DIS3L2: variants seen among roughly 807,000 people sequenced by gnomAD.
The protein encoded by DIS3L2 is DIS3-like exonuclease 2.
A neutral mutation model predicts 97.5 loss-of-function variants in DIS3L2; 34 were observed. The observed-to-expected ratio is 0.35, with a 90% CI of 0.27 to 0.46. DIS3L2 has a LOEUF of 0.46. Among genes scored for constraint, DIS3L2 ranks in the 20% least tolerant of loss-of-function variants. The pLI is 1.00. For missense variants in DIS3L2, 1,038 were observed against 1,146.0 expected, an observed-to-expected ratio of 0.91 and a Z score of 1.36; for synonymous variants, 435 against 445.2, an observed-to-expected ratio of 0.98 and a Z score of 0.29.
intron 8 of DIS3L2, among the ~76,000 whole-genome samples, chr2:232,149,149 C>CCAGCTT (rs1214273627): frequency 6.7e-6 from 1 of 149,874 alleles, no homozygotes; most frequent in Admixed American, 6.6e-5. Flanking sequence ...ATACCCTGCA[C>CCAGCTT]CAGCTTCAGA....
intron 9 of DIS3L2, among the ~76,000 whole-genome samples, chr2:232,188,652 C>T (rs1355548369): frequency 6.6e-6 from 1 of 152,146 alleles, no homozygotes; most frequent in Non-Finnish European, 1.5e-5. Flanking sequence ...AGAGTACTTA[C>T]AGGATGTAGG....
intron 5 of DIS3L2, among the ~76,000 whole-genome samples, chr2:232,039,865 A>G (rs1206307062): frequency 2.0e-5 from 3 of 152,174 alleles, no homozygotes; most frequent in African/African-American, 7.2e-5. Context: ...CATGTCCCCA[A>G]ATGGTTAGGA....
At chr2:231,975,069 T>C (rs1052583809) in intron 1 of DIS3L2, among the ~76,000 whole-genome samples, 6 of 152,210 alleles carry the variant, frequency 3.9e-5, no homozygotes, top group African/African-American at 9.6e-5. Flanking sequence ...ATCTACTGTT[T>C]ACACTTTTGA....
chr2:232,107,358 A>G (rs1697383333), intron 6 of DIS3L2, among the ~76,000 whole-genome samples: 2 of 152,190 alleles, frequency 1.3e-5, no homozygotes, highest in African/African-American at 4.8e-5. Flanking sequence ...ATAGACCACC[A>G]GCTAGACTAA....
chr2:232,148,534 A>G (rs1192561899), intron 8 of DIS3L2, among the ~76,000 whole-genome samples: 1 of 152,172 alleles, frequency 6.6e-6, no homozygotes, highest in Non-Finnish European at 1.5e-5. Context: ...AACTCGTAAA[A>G]TAAATGTTAA....
At chr2:232,002,971 A>G (rs1693951339) in intron 1 of DIS3L2, among the ~76,000 whole-genome samples, 1 of 152,218 alleles carries the variant, frequency 6.6e-6, no homozygotes, top group Non-Finnish European at 1.5e-5. Context: ...GTGTGGTGAA[A>G]TGAGTGGCCT....
At chr2:232,035,776 A>C (rs978611562) in intron 5 of DIS3L2, among the ~76,000 whole-genome samples, 1 of 152,152 alleles carries the variant, frequency 6.6e-6, no homozygotes, top group Admixed American at 6.6e-5. Context: ...GTTTGGCTGG[A>C]TATGAATTCT....
chr2:232,343,505 G>A, exon 14 of DIS3L2: 1 of 1,557,678 alleles, frequency 6.4e-7, no homozygotes, highest in Non-Finnish European at 8.7e-7. Flanking sequence ...CAGCAACAGA[G>A]CCGTGTATTG....
chr2:232,304,435 G>A (rs1176595564), intron 14 of DIS3L2, among the ~76,000 whole-genome samples: 1 of 152,186 alleles, frequency 6.6e-6, no homozygotes, highest in Admixed American at 6.5e-5. Context: ...GGAGCAAAGC[G>A]CACTCCAGCA....
At position 231,963,012 on chromosome 2, in the gene DIS3L2, T is replaced by C. The variant is rs148935116; in HGVS notation, c.-94+1247T>C. Reference sequence around the variant, plus strand: ...GGTCACCTAGGTTGATTCCGTGTGTTTGCTATTGTGAATAGCTCAGCCGTG... The same window carrying C: ...GGTCACCTAGGTTGATTCCGTGTGTCTGCTATTGTGAATAGCTCAGCCGTG... On this transcript the variant is annotated intron_variant, in intron 1 of 20. Transcript: ENST00000325385. 2.8e-3 allele frequency among the ~76,000 whole-genome samples: 420 copies of C among 152,324 alleles called. 1 individual carries two copies. Among genetic ancestry groups the C allele is most frequent in the Non-Finnish European group, 4.4e-3 (298 of 68,044 alleles).
intron 13 of DIS3L2, among the ~76,000 whole-genome samples, chr2:232,299,160 C>T (rs573383579): frequency 3.3e-4 from 50 of 152,278 alleles, no homozygotes; most frequent in Middle Eastern, 3.4e-3. Context: ...CTTGTTGATT[C>T]GACTTCTAAA....
At chr2:232,329,464 G>C (rs1212262670) in intron 14 of DIS3L2, 1 of 253,380 alleles carries the variant, frequency 3.9e-6, no homozygotes, top group Non-Finnish European at 7.5e-6. Flanking sequence ...ATCTTTCCTC[G>C]GTGCCTTCTC....
chr2:232,220,389 A>C (rs916774705), intron 10 of DIS3L2, among the ~76,000 whole-genome samples: 2 of 152,104 alleles, frequency 1.3e-5, no homozygotes, highest in African/African-American at 4.8e-5. Context: ...CTTCAGTGGC[A>C]GTGCTCACCT....
intron 1 of DIS3L2, among the ~76,000 whole-genome samples, chr2:231,992,668 C>A (rs889908384): frequency 6.6e-6 from 1 of 152,098 alleles, no homozygotes; most frequent in African/African-American, 2.4e-5. Flanking sequence ...TGATATCCAT[C>A]CTGCTAAGTG....
chr2:232,002,800 T>C (rs1228716812), intron 1 of DIS3L2, among the ~76,000 whole-genome samples: 3 of 152,222 alleles, frequency 2.0e-5, no homozygotes, highest in South Asian at 2.1e-4. Context: ...CCAGTCTCAT[T>C]AGTTTCTAAT....
intron 1 of DIS3L2, among the ~76,000 whole-genome samples, chr2:231,997,854 T>C (rs1171723010): frequency 6.6e-6 from 1 of 152,208 alleles, no homozygotes; most frequent in Non-Finnish European, 1.5e-5. Context: ...TATAACATTA[T>C]GCAGTTATTA....
intron 9 of DIS3L2, among the ~76,000 whole-genome samples, chr2:232,194,838 A>C (rs1304615345): frequency 1.3e-5 from 2 of 152,176 alleles, no homozygotes; most frequent in Non-Finnish European, 2.9e-5. Flanking sequence ...TGTAGGTTGC[A>C]TGAGGGGTCA....
chr2:232,097,049 A>G (rs1285691939), intron 6 of DIS3L2, among the ~76,000 whole-genome samples: 2 of 152,134 alleles, frequency 1.3e-5, no homozygotes, highest in East Asian at 1.9e-4. Flanking sequence ...GGCCTATTGC[A>G]TCTGTCCTTC....
chr2:232,184,550 T>A (rs1286869309), intron 9 of DIS3L2, among the ~76,000 whole-genome samples: 1 of 152,022 alleles, frequency 6.6e-6, no homozygotes, highest in Non-Finnish European at 1.5e-5. Context: ...CTAGGGAGGC[T>A]GAGGTGAGAT....
Sources: gnomAD v4.1 joint callset for allele counts (sites outside exome capture counted in the v4.1 genomes callset) on GRCh38, gnomAD v4.1.1 for gene constraint, MANE v1.5 for transcripts, NCBI Gene and HGNC (gene_info 2026-07-23, HGNC 2026-07-21) for gene names.